PDE4B: variants seen among roughly 807,000 people sequenced by gnomAD.
The protein encoded by PDE4B is phosphodiesterase 4B.
PDE4B carries 20 observed loss-of-function variants against 82.2 expected under a neutral mutation model. The observed-to-expected ratio is 0.24, with a 90% CI of 0.17 to 0.35. The LOEUF is 0.35. Among genes scored for constraint, PDE4B ranks in the 10% least tolerant of loss-of-function variants. PDE4B has a pLI of 1.00. For missense variants in PDE4B, 655 were observed against 907.2 expected (o/e 0.72, Z 3.57); for synonymous variants, 320 against 318.9 (o/e 1.00, Z -0.04).
At chr1:66,053,727 C>T (rs1655156465) in intron 3 of PDE4B, among the ~76,000 whole-genome samples, 1 of 151,970 alleles carries the variant, frequency 6.6e-6, no homozygotes, top group Non-Finnish European at 1.5e-5. Context: ...GGGGTGGTGG[C>T]GGGTGCCTGT....
chr1:66,324,095 C>T (rs1229153404), intron 7 of PDE4B, among the ~76,000 whole-genome samples: 3 of 152,062 alleles, frequency 2.0e-5, no homozygotes. Flanking sequence ...AGGGTAAGGA[C>T]ATTAAAAGAG....
intron 6 of PDE4B, 57 bp downstream of exon 6, chr1:66,257,920 G>T: frequency 1.8e-6 from 2 of 1,127,964 alleles, no homozygotes; most frequent in South Asian, 2.5e-5. Flanking sequence ...AAAAAATATT[G>T]AGCAGCATTT....
chr1:66,047,842 A>T (rs1014618309), intron 3 of PDE4B, among the ~76,000 whole-genome samples: 14 of 151,936 alleles, frequency 9.2e-5, no homozygotes, highest in Non-Finnish European at 1.6e-4. Flanking sequence ...ATTTCACCCC[A>T]ACATTAGCTG....
At chr1:66,174,376 A>G (rs1247467677) in intron 3 of PDE4B, among the ~76,000 whole-genome samples, 4 of 152,192 alleles carry the variant, frequency 2.6e-5, no homozygotes, top group African/African-American at 7.2e-5. Context: ...GCACACTTAC[A>G]TTTAGTAAAT....
At chr1:66,332,208 G>A in intron 7 of PDE4B, 1 of 1,430,628 alleles carries the variant, frequency 7.0e-7, no homozygotes. Context: ...TTATGCAGAT[G>A]AGCTTATAAG....
intron 4 of PDE4B, among the ~76,000 whole-genome samples, chr1:66,254,413 T>C (rs1397357954): frequency 2.0e-5 from 3 of 152,196 alleles, no homozygotes; most frequent in African/African-American, 7.2e-5. Flanking sequence ...TTTTCTTTTT[T>C]GTATCTCTCC....
At chr1:66,202,408 C>G (rs1438520928) in intron 3 of PDE4B, among the ~76,000 whole-genome samples, 1 of 152,106 alleles carries the variant, frequency 6.6e-6, no homozygotes, top group Admixed American at 6.5e-5. Context: ...TCCTTGTTAA[C>G]TTTCTGTCTC....
intron 3 of PDE4B, among the ~76,000 whole-genome samples, chr1:66,165,464 A>C (rs567834125): frequency 1.3e-5 from 2 of 152,230 alleles, no homozygotes; most frequent in East Asian, 3.9e-4. Flanking sequence ...AATTGTGCAG[A>C]TAATATAATT....
chr1:65,897,120 A>T (rs561138511), intron 1 of PDE4B, among the ~76,000 whole-genome samples: 4 of 152,270 alleles, frequency 2.6e-5, no homozygotes, highest in African/African-American at 9.6e-5. Flanking sequence ...GATATATAGG[A>T]TGCATTATTT....
chr1:66,225,042 C>T (rs1384552304), intron 3 of PDE4B, among the ~76,000 whole-genome samples: 2 of 152,220 alleles, frequency 1.3e-5, no homozygotes, highest in African/African-American at 4.8e-5. Flanking sequence ...CCACTGTACT[C>T]TGGACACCAC....
At chr1:66,276,894 G>A (rs1044113179) in intron 7 of PDE4B, among the ~76,000 whole-genome samples, 12 of 152,132 alleles carry the variant, frequency 7.9e-5, no homozygotes, top group Non-Finnish European at 1.8e-4. Flanking sequence ...TACCATTAGG[G>A]TTGCGGCAAT....
intron 7 of PDE4B, among the ~76,000 whole-genome samples, chr1:66,296,419 T>A (rs186174145): frequency 4.6e-5 from 7 of 152,186 alleles, no homozygotes; most frequent in Non-Finnish European, 7.4e-5. Flanking sequence ...CTGACCCTCA[T>A]TGCAATTCTT....
At chr1:65,884,670 A>T (rs1224057782) in intron 1 of PDE4B, among the ~76,000 whole-genome samples, 1 of 152,234 alleles carries the variant, frequency 6.6e-6, no homozygotes, top group Non-Finnish European at 1.5e-5. Flanking sequence ...TAGAAAGCTG[A>T]AACTGGATCC....
At chr1:66,290,609 A>G (rs1211728129) in intron 7 of PDE4B, among the ~76,000 whole-genome samples, 1 of 152,200 alleles carries the variant, frequency 6.6e-6, no homozygotes, top group Non-Finnish European at 1.5e-5. Flanking sequence ...CAAAATGCAA[A>G]TGGATTTTCC....
intron 3 of PDE4B, among the ~76,000 whole-genome samples, chr1:66,012,780 A>C (rs1569972875): frequency 6.6e-6 from 1 of 152,274 alleles, no homozygotes; most frequent in Admixed American, 6.5e-5. Context: ...ATTTGAGCAA[A>C]GTTCACAGCT....
Position 65,918,679 on chromosome 1 carries a change from G to C in PDE4B, c.125G>C (p.Gly42Ala), listed in dbSNP as rs1337169563. The change falls in exon 3 of 17, where the codon GGG (glycine) becomes GCG (alanine). Residue 42 changes from glycine (G) to alanine (A), a missense_variant. This residue lies in a region of PDE4B where 253 missense variants were observed against 275.6 expected (regional missense o/e 0.92). Transcript: ENST00000341517. ...SNTLGIDLWR[G>A]RRCCSGNLQL... ...ACACTTGGGATCGACCTCTGGAGAGGGAGAAGGTGTTGCTCAGGAAACTTA... is the reference window on the plus strand; with the variant it reads ...ACACTTGGGATCGACCTCTGGAGAGCGAGAAGGTGTTGCTCAGGAAACTTA... The C allele has an allele frequency of 1.9e-6, 3 of 1,613,762 alleles. No individual in the cohort carries two copies. Among genetic ancestry groups the C allele is most frequent in the Non-Finnish European group, 2.5e-6 (3 of 1,179,668 alleles).
intron 1 of PDE4B, among the ~76,000 whole-genome samples, chr1:65,887,412 C>CTTTTTTTT (rs1285765740): frequency 4.3e-4 from 3 of 6,916 alleles, no homozygotes; most frequent in Non-Finnish European, 6.9e-4. Flanking sequence ...TCTTTTTCTT[C>CTTTTTTTT]TGTTTTTTTT....
At chr1:66,182,302 T>G (rs1011272848) in intron 3 of PDE4B, among the ~76,000 whole-genome samples, 1 of 152,188 alleles carries the variant, frequency 6.6e-6, no homozygotes, top group Non-Finnish European at 1.5e-5. Flanking sequence ...CACGTCAGAA[T>G]TCATCATTTG....
intron 1 of PDE4B, among the ~76,000 whole-genome samples, chr1:65,832,742 G>A (rs1646096686): frequency 6.6e-6 from 1 of 152,202 alleles, no homozygotes; most frequent in East Asian, 1.9e-4. Context: ...TATGTCTTCT[G>A]ACAAGTTCAA....
Sources: gnomAD v4.1 joint callset for allele counts (sites outside exome capture counted in the v4.1 genomes callset) on GRCh38, gnomAD v4.1.1 for gene constraint, gnomAD v4.1.1 regional missense constraint, MANE v1.5 for transcripts, NCBI Gene and HGNC (gene_info 2026-07-23, HGNC 2026-07-21) for gene names.